SUSD4: variants seen among roughly 807,000 people sequenced by gnomAD.
SUSD4 encodes the protein sushi domain-containing protein 4.
SUSD4 carries 41 observed loss-of-function variants against 50.5 expected under a neutral mutation model. The observed-to-expected ratio is 0.81, with a 90% CI of 0.63 to 1.05. The LOEUF is 1.05. Among genes scored for constraint, SUSD4 ranks in the 50% least tolerant of loss-of-function variants. SUSD4 has a pLI of 0.00. For missense variants in SUSD4, 580 were observed against 634.7 expected, an observed-to-expected ratio of 0.91 and a Z score of 0.93; for synonymous variants, 257 against 257.3, an observed-to-expected ratio of 1.00 and a Z score of 0.01.
intron 7 of SUSD4, among the ~76,000 whole-genome samples, chr1:223,223,885 C>T (rs536228968): frequency 6.6e-6 from 1 of 152,350 alleles, no homozygotes; most frequent in Non-Finnish European, 1.5e-5. Flanking sequence ...GCCTCTGGGC[C>T]TTACTATCTC....
chr1:223,288,998 T>A, intron 3 of SUSD4: 3 of 701,496 alleles, frequency 4.3e-6, no homozygotes, highest in Non-Finnish European at 5.3e-6. Context: ...TCTTTTCTTA[T>A]GAAATGTAGG....
At position 223,363,351 on chromosome 1, in the gene SUSD4, G is replaced by A. The variant is rs779570608; in HGVS notation, c.75C>T (p.Ser25=). The A allele has an allele frequency of 3.0e-5, 48 of 1,608,104 alleles. No homozygotes were observed. Among genetic ancestry groups the A allele is most frequent in the Non-Finnish European group, 4.0e-5 (47 of 1,177,642 alleles). The change falls in exon 2 of 9, where the codon TCC becomes TCT. Residue 25 remains serine, a synonymous_variant. Coordinates refer to ENST00000366878, the MANE Select transcript of SUSD4 (RefSeq NM_017982.4). ...GGATCACGGCCAAGAGTCTCTGGGG[G>A]GACTGAGGTTGCTGCTGCTGCTGCT... is the stretch of plus-strand genomic sequence containing the variant. ...EQQQQQQQPQ[S]PQRLLAVILW... is the part of the protein sequence containing the mutation.
rs569608308 is a variant in SUSD4 at position 223,345,441 on chromosome 1, C to T, written c.148+17837G>A. 9.2e-5 allele frequency among the ~76,000 whole-genome samples: 14 copies of T among 152,116 alleles called. No homozygotes were observed. The South Asian group carries it at 1.0e-3, about 11-fold the overall frequency. On this transcript the variant is annotated intron_variant, in intron 2 of 8. Transcript: ENST00000366878. ...GCCAGGGTCCAGATCCAGGCCCTGACGCTCCCTCTGATCATGCGCTTATTA... is the reference window on the plus strand; with the variant it reads ...GCCAGGGTCCAGATCCAGGCCCTGATGCTCCCTCTGATCATGCGCTTATTA...
At position 223,231,083 on chromosome 1, in the gene SUSD4, G is replaced by A. The variant is rs118047806; in HGVS notation, c.725-1695C>T. Among the ~76,000 whole-genome samples the A allele has an allele frequency of 4.9e-3, 749 of 152,212 alleles. 29 individuals are homozygous for A. In the East Asian group the frequency reaches 0.11, roughly 22 times the overall value. On this transcript the variant is annotated intron_variant, in intron 5 of 8. Transcript: ENST00000366878. The surrounding 1 kb of genome is among the most constrained non-coding windows in gnomAD (Gnocchi z 4.2). ...GCTGGTGGGATGAAGGGGTCTCGTT[G>A]CTGGGGTCCCTAGTGGAAGGTGGAA...
At chr1:223,302,986 A>C (rs1665287097) in intron 2 of SUSD4, among the ~76,000 whole-genome samples, 1 of 152,136 alleles carries the variant, frequency 6.6e-6, no homozygotes, top group Admixed American at 6.6e-5. Flanking sequence ...AAAACAAATA[A>C]ATAAAATTAA....
chr1:223,228,171 G>T (rs911774583), intron 6 of SUSD4, among the ~76,000 whole-genome samples: 3 of 152,262 alleles, frequency 2.0e-5, no homozygotes, highest in African/African-American at 7.2e-5. Context: ...AGAAACAGAG[G>T]GTAAAGGGGA....
chr1:223,245,090 A>G (rs1180679661), intron 5 of SUSD4, among the ~76,000 whole-genome samples: 4 of 152,098 alleles, frequency 2.6e-5, no homozygotes, highest in African/African-American at 4.8e-5. Context: ...ATAAATAGAG[A>G]AATCAATCTG....
intron 3 of SUSD4, among the ~76,000 whole-genome samples, chr1:223,286,640 T>C (rs1664160230): frequency 6.6e-6 from 1 of 152,190 alleles, no homozygotes; most frequent in Admixed American, 6.5e-5. Context: ...ACCACACTCA[T>C]GGCCAAGTGA....
chr1:223,289,576 T>A (rs937501879), intron 3 of SUSD4, among the ~76,000 whole-genome samples: 1 of 152,134 alleles, frequency 6.6e-6, no homozygotes, highest in Non-Finnish European at 1.5e-5. Context: ...TTTTAAAAAA[T>A]CTGCATCTCA....
intron 5 of SUSD4, chr1:223,234,879 T>C: frequency 6.7e-7 from 1 of 1,494,220 alleles, no homozygotes; most frequent in Admixed American, 2.6e-5. Context: ...GGTGTGCAGA[T>C]CATGGTGAAA....
intron 5 of SUSD4, among the ~76,000 whole-genome samples, chr1:223,248,436 G>A (rs564641933): frequency 6.0e-4 from 92 of 152,302 alleles, no homozygotes; most frequent in Admixed American, 1.2e-3. Context: ...TCCCCAGTCT[G>A]ATCTAAATTT....
intron 5 of SUSD4, among the ~76,000 whole-genome samples, chr1:223,257,113 G>A (rs1661748175): frequency 6.6e-6 from 1 of 152,178 alleles, no homozygotes; most frequent in African/African-American, 2.4e-5. Context: ...GCATGTGCCG[G>A]GGCTAGGAGT....
chr1:223,345,693 T>C (rs993920717), intron 2 of SUSD4, among the ~76,000 whole-genome samples: 3 of 152,252 alleles, frequency 2.0e-5, no homozygotes, highest in African/African-American at 7.2e-5. Context: ...TCCACCTGCA[T>C]GTCAAAATTT....
intron 2 of SUSD4, among the ~76,000 whole-genome samples, chr1:223,342,536 G>C (rs1667815026): frequency 6.6e-6 from 1 of 152,164 alleles, no homozygotes; most frequent in South Asian, 2.1e-4. Flanking sequence ...AAATAGTGTG[G>C]TTCTGGCACA....
chr1:223,282,079 G>A (rs1018382907), intron 3 of SUSD4, among the ~76,000 whole-genome samples: 5 of 152,060 alleles, frequency 3.3e-5, no homozygotes, highest in Non-Finnish European at 5.9e-5. Context: ...GGTATTGATG[G>A]GATGTATCTC....
At chr1:223,240,833 T>G (rs1191278652) in intron 5 of SUSD4, among the ~76,000 whole-genome samples, 1 of 152,198 alleles carries the variant, frequency 6.6e-6, no homozygotes, top group Non-Finnish European at 1.5e-5. Flanking sequence ...TTTTTTGCCT[T>G]TTAATATCTC....
chr1:223,254,764 CAAG>C (rs1159940350), intron 5 of SUSD4, among the ~76,000 whole-genome samples: 1 of 151,690 alleles, frequency 6.6e-6, no homozygotes, highest in African/African-American at 2.4e-5. Context: ...GATGTGTGAC[CAAG>C]AAGAGGAGGA....
At position 223,286,727 on chromosome 1, in the gene SUSD4, G is replaced by T. The variant is rs182702369; in HGVS notation, c.361+5712C>A. 2.5e-3 allele frequency among the ~76,000 whole-genome samples: 386 copies of T among 152,336 alleles called. 2 individuals are homozygous for T. Among genetic ancestry groups the T allele is most frequent in the African/African-American group, 8.8e-3 (367 of 41,578 alleles). ...GGATGAGAATTGCCTGCTTGGTTAT[G>T]CAGGTAATAAATAATAACATCGAGT... is the stretch of plus-strand genomic sequence containing the variant. On this transcript the variant is annotated intron_variant, in intron 3 of 8. Transcript: ENST00000366878.
At chr1:223,334,299 C>T (rs1667338333) in intron 2 of SUSD4, among the ~76,000 whole-genome samples, 1 of 151,786 alleles carries the variant, frequency 6.6e-6, no homozygotes, top group Non-Finnish European at 1.5e-5. Context: ...GGAAATCCCT[C>T]AGAAAAGACA....
Sources: gnomAD v4.1 joint callset for allele counts (sites outside exome capture counted in the v4.1 genomes callset) on GRCh38, gnomAD v4.1.1 for gene constraint, Gnocchi (gnomAD v3.1) non-coding constraint, MANE v1.5 for transcripts, NCBI Gene and HGNC (gene_info 2026-07-23, HGNC 2026-07-21) for gene names.